NEK10: variants seen among roughly 807,000 people sequenced by gnomAD.
NEK10 encodes the protein serine/threonine-protein kinase Nek10.
In NEK10, 122 loss-of-function variants were observed where a neutral mutation model predicts 159.8. The ratio of observed to expected loss-of-function variants is 0.76; its 90% CI spans 0.66 to 0.89. The LOEUF (loss-of-function observed/expected upper bound fraction) is 0.89, where lower values mean the gene tolerates loss of function less well. Among genes scored for constraint, NEK10 ranks in the 40% least tolerant of loss-of-function variants. The pLI, the probability that NEK10 is intolerant of heterozygous loss-of-function variation, is 0.00. For synonymous variants in NEK10, 466 were observed against 457.1 expected, an observed-to-expected ratio of 1.02 and a Z score of -0.25; for missense variants, 1,342 against 1,323.1, an observed-to-expected ratio of 1.01 and a Z score of -0.22.
chr3:27,331,237 C>CAAAAAAAAAAAAAAAAAAAAAAAAAAAA (rs11351970), intron 5 of NEK10, among the ~76,000 whole-genome samples: 1 of 29,566 alleles, frequency 3.4e-5, no homozygotes, highest in African/African-American at 5.8e-5. Flanking sequence ...GACTCTGTCT[C>CAAAAAAAAAAAAAAAAAAAAAAAAAAAA]AAAAAAAAAA....
At chr3:27,331,237 C>CAAAAAAAAAAAACAAAAAAAAAAAAAA (rs397972389) in intron 5 of NEK10, among the ~76,000 whole-genome samples, 4 of 29,574 alleles carry the variant, frequency 1.4e-4, no homozygotes, top group East Asian at 2.0e-3. Context: ...GACTCTGTCT[C>CAAAAAAAAAAAACAAAAAAAAAAAAAA]AAAAAAAAAA....
intron 3 of NEK10, among the ~76,000 whole-genome samples, chr3:27,349,810 G>T (rs1021541412): frequency 1.3e-5 from 2 of 151,952 alleles, no homozygotes; most frequent in African/African-American, 4.8e-5. Flanking sequence ...TGAGTTATTG[G>T]GTTTTCCTGG....
intron 25 of NEK10, among the ~76,000 whole-genome samples, 158 bp from the exon 26 acceptor site, chr3:27,192,400 A>T (rs530631621): frequency 6.6e-6 from 1 of 152,214 alleles, no homozygotes; most frequent in Non-Finnish European, 1.5e-5. Flanking sequence ...TTTGAGTCCA[A>T]GACTTCTCAA....
chr3:27,120,536 G>A (rs1421817467), intron 32 of NEK10, among the ~76,000 whole-genome samples: 1 of 151,554 alleles, frequency 6.6e-6, no homozygotes, highest in East Asian at 1.9e-4. Context: ...CACCATGTTG[G>A]CCAGGCTGGT....
chr3:27,331,816 G>A (rs958381348), intron 5 of NEK10, among the ~76,000 whole-genome samples: 11 of 152,060 alleles, frequency 7.2e-5, no homozygotes, highest in African/African-American at 2.2e-4. Flanking sequence ...CTTATACATC[G>A]TGGAAACATT....
chr3:27,258,191 T>A (rs1956414709), intron 22 of NEK10, among the ~76,000 whole-genome samples: 1 of 152,288 alleles, frequency 6.6e-6, no homozygotes, highest in South Asian at 2.1e-4. Context: ...TTTAAATAAT[T>A]TAATATATGC....
chr3:27,238,746 CGTGTGTGTGTGTGT>C (rs59740177), intron 23 of NEK10, among the ~76,000 whole-genome samples: 1,784 of 138,128 alleles, frequency 0.013, 16 homozygotes, highest in African/African-American at 0.026. Flanking sequence ...CCTCCCCTTT[CGTGTGTGTGTGTGT>C]GTGTGTGTGT....
intron 22 of NEK10, among the ~76,000 whole-genome samples, chr3:27,274,909 A>C (rs2041657159): frequency 6.6e-6 from 1 of 152,044 alleles, no homozygotes; most frequent in South Asian, 2.1e-4. Context: ...AGTGAAAACA[A>C]CTCATCCAGA....
intron 9 of NEK10, chr3:27,310,117 A>G (rs1020047764): frequency 6.6e-6 from 1 of 152,140 alleles, no homozygotes; most frequent in Non-Finnish European, 1.5e-5. Context: ...ATTTCATTTT[A>G]TCTTAATGAA....
At chr3:27,263,427 G>A (rs1354953534) in intron 22 of NEK10, among the ~76,000 whole-genome samples, 1 of 152,214 alleles carries the variant, frequency 6.6e-6, no homozygotes, top group Admixed American at 6.5e-5. Flanking sequence ...GGAGTCTACA[G>A]AGGCAGGCAG....
At chr3:27,304,689 C>T in intron 12 of NEK10, 58 bp downstream of exon 12, 1 of 1,091,070 alleles carries the variant, frequency 9.2e-7, no homozygotes, top group African/African-American at 1.5e-5. Context: ...CATCTTGTCA[C>T]AGAGTCCCCA....
chr3:27,123,089 A>T (rs1371841434), intron 32 of NEK10, among the ~76,000 whole-genome samples: 1 of 152,142 alleles, frequency 6.6e-6, no homozygotes, highest in African/African-American at 2.4e-5. Context: ...TTAGCAAACT[A>T]TTTTTTGCCC....
chr3:27,167,607 G>A (rs1182923572), intron 29 of NEK10, among the ~76,000 whole-genome samples: 1 of 152,122 alleles, frequency 6.6e-6, no homozygotes, highest in African/African-American at 2.4e-5. Flanking sequence ...TACTAGGTCA[G>A]CCTATGAAAC....
intron 15 of NEK10, 56 bp from the exon 16 acceptor site, chr3:27,293,708 T>C: frequency 1.0e-6 from 1 of 962,098 alleles, no homozygotes; most frequent in East Asian, 2.4e-5. Flanking sequence ...ATTAAAACAT[T>C]TTCAGGAAAG....
intron 35 of NEK10, among the ~76,000 whole-genome samples, chr3:27,112,380 C>T (rs1312685381): frequency 6.6e-6 from 1 of 152,180 alleles, no homozygotes; most frequent in Non-Finnish European, 1.5e-5. Flanking sequence ...ACTATTCAAA[C>T]TGATAGTCTT....
chr3:27,326,615 A>T (rs1176277198), intron 5 of NEK10, among the ~76,000 whole-genome samples: 1 of 152,232 alleles, frequency 6.6e-6, no homozygotes, highest in Admixed American at 6.5e-5. Context: ...CTAATAAAGA[A>T]GTGTATATAA....
chr3:27,363,782 T>C (rs1246566039), intron 1 of NEK10: 1 of 152,218 alleles, frequency 6.6e-6, no homozygotes, highest in Non-Finnish European at 1.5e-5. Context: ...ATTATATGAA[T>C]GCCACTGTCT....
chr3:27,235,805 T>A (rs932335181), intron 23 of NEK10, among the ~76,000 whole-genome samples: 2 of 152,090 alleles, frequency 1.3e-5, no homozygotes, highest in African/African-American at 4.8e-5. Context: ...TAAAGAAACA[T>A]GCATGCACTA....
At chr3:27,214,656 C>T (rs1239843932) in intron 23 of NEK10, among the ~76,000 whole-genome samples, 3 of 151,934 alleles carry the variant, frequency 2.0e-5, no homozygotes, top group African/African-American at 7.3e-5. Flanking sequence ...GAATACATAA[C>T]CAGGTGCTGG....
Sources: allele counts gnomAD v4.1 joint callset (sites outside exome capture counted in the v4.1 genomes callset), GRCh38; gene constraint gnomAD v4.1.1; transcripts MANE v1.5; gene names NCBI Gene and HGNC (gene_info 2026-07-23, HGNC 2026-07-21).